DDX10: variants seen among roughly 807,000 people sequenced by gnomAD.
DDX10 encodes the protein probable ATP-dependent RNA helicase DDX10.
A neutral mutation model predicts 104.3 loss-of-function variants in DDX10; 74 were observed. That is an observed-to-expected ratio of 0.71 (90% CI 0.59 to 0.86). The LOEUF (loss-of-function observed/expected upper bound fraction) is 0.86. Ranked by LOEUF, DDX10 falls within the 40% of genes least tolerant of loss-of-function variation. DDX10 has a pLI of 0.00. For missense variants in DDX10, 952 were observed against 1,040.0 expected (o/e 0.92, Z 1.16); for synonymous variants, 351 against 353.4 (o/e 0.99, Z 0.08).
chr11:108,919,279 A>G lies in DDX10; in HGVS notation c.2450+1261A>G, dbSNP rs141884578. 110 of 152,352 alleles carry G rather than the reference A, an allele frequency of 7.2e-4. 1 individual carries two copies. Among genetic ancestry groups the G allele is most frequent in the African/African-American group, 2.5e-3 (104 of 41,578 alleles). The allele number at this position is 152,352 out of a possible 1,614,324, so 9.4% of individuals were successfully genotyped here. A position where few individuals can be genotyped will look rare whatever the true frequency, so the allele number is the denominator to read the frequency against. ...TAGTGGACATCATTGTTTTACTACC[A>G]CAAGAGGCACCACAGATAAAAATAA... is the stretch of plus-strand genomic sequence containing the variant. On this transcript the variant is annotated intron_variant, in intron 17 of 17. Transcript: ENST00000322536.
At chr11:108,788,920 G>T (rs1326069470) in intron 13 of DDX10, among the ~76,000 whole-genome samples, 1 of 152,196 alleles carries the variant, frequency 6.6e-6, no homozygotes, top group East Asian at 1.9e-4. Flanking sequence ...GCCCTGTCCA[G>T]TCACTGGCTC....
chr11:108,702,261 GACAAA>G lies in DDX10; in HGVS notation c.1224-4473_1224-4469del, dbSNP rs569731809. Among the ~76,000 whole-genome samples the G allele has an allele frequency of 2.0e-5, 3 of 152,162 alleles. No homozygotes were observed. The South Asian group carries it at 6.2e-4, about 32-fold the overall frequency. ...AACTGTACAGATTCTAGACAATAAT[GACAAA>G]ACAATTAAAATCACCTAAAATCCAC... On this transcript the variant is annotated intron_variant, in intron 9 of 17. Coordinates refer to ENST00000322536, the MANE Select transcript of DDX10 (RefSeq NM_004398.4).
At chr11:108,693,172 A>T (rs538051805) in intron 8 of DDX10, among the ~76,000 whole-genome samples, 14 of 152,266 alleles carry the variant, frequency 9.2e-5, no homozygotes, top group South Asian at 2.1e-4. Flanking sequence ...GCTGAGAATG[A>T]TGGTTTCCAG....
At chr11:108,837,843 G>A (rs1315733186) in intron 13 of DDX10, among the ~76,000 whole-genome samples, 8 of 151,660 alleles carry the variant, frequency 5.3e-5, no homozygotes, top group African/African-American at 1.9e-4. Context: ...GGCTGGTCTC[G>A]AACTCATGAC....
chr11:108,907,720 C>G (rs972324773), intron 16 of DDX10, among the ~76,000 whole-genome samples: 1 of 152,108 alleles, frequency 6.6e-6, no homozygotes, highest in African/African-American at 2.4e-5. Flanking sequence ...TGTAGGGGAT[C>G]AAAGTTGGGG....
chr11:108,852,140 T>C lies in DDX10; in HGVS notation c.2248-13T>C. On this transcript the variant is annotated splice_polypyrimidine_tract_variant and intron_variant, in intron 15 of 17. Transcript: ENST00000322536. ...TATATGCTGCTAATTTTTCTCCTCT[T>C]CCTTGTCTCCAGGAGAAAAGACTGA... is the stretch of plus-strand genomic sequence containing the variant. The C allele has an allele frequency of 6.2e-7, 1 of 1,604,642 alleles. No individual in the cohort carries two copies. Among genetic ancestry groups the C allele is most frequent in the Non-Finnish European group, 8.5e-7 (1 of 1,174,544 alleles).
chr11:108,925,057 A>T (rs1413967268), intron 17 of DDX10, among the ~76,000 whole-genome samples: 1 of 152,182 alleles, frequency 6.6e-6, no homozygotes, highest in Non-Finnish European at 1.5e-5. Context: ...ATGCCAAGCA[A>T]CTTTCAAGAG....
chr11:108,704,508 A>G (rs558536308), intron 9 of DDX10, among the ~76,000 whole-genome samples: 1 of 152,154 alleles, frequency 6.6e-6, no homozygotes, highest in South Asian at 2.1e-4. Flanking sequence ...TGGACCTGCA[A>G]TCTTTCCTTG....
intron 16 of DDX10, among the ~76,000 whole-genome samples, chr11:108,880,016 C>G (rs1326437868): frequency 2.6e-5 from 4 of 152,188 alleles, no homozygotes; most frequent in African/African-American, 9.6e-5. Flanking sequence ...GAATAACACT[C>G]CATTTGACAA....
At chr11:108,709,385 T>G (rs1440569955) in intron 10 of DDX10, among the ~76,000 whole-genome samples, 3 of 152,272 alleles carry the variant, frequency 2.0e-5, no homozygotes, top group African/African-American at 7.2e-5. Context: ...CTTAAATGTT[T>G]GGTAGAATTT....
intron 13 of DDX10, among the ~76,000 whole-genome samples, chr11:108,724,142 T>A (rs2094302315): frequency 6.6e-6 from 1 of 152,062 alleles, no homozygotes; most frequent in African/African-American, 2.4e-5. Flanking sequence ...ATCATCTTTT[T>A]AAAAGGGAAT....
At chr11:108,778,354 C>T (rs1489985601) in intron 13 of DDX10, among the ~76,000 whole-genome samples, 1 of 152,236 alleles carries the variant, frequency 6.6e-6, no homozygotes, top group South Asian at 2.1e-4. Flanking sequence ...AGATATAGAC[C>T]AATGGAACAG....
intron 16 of DDX10, among the ~76,000 whole-genome samples, chr11:108,904,829 G>A (rs1003072844): frequency 1.1e-4 from 16 of 152,082 alleles, no homozygotes; most frequent in Middle Eastern, 3.4e-3. Flanking sequence ...GCTATTTTAT[G>A]AATTATTGAA....
At chr11:108,706,381 G>T (rs527934703) in intron 9 of DDX10, among the ~76,000 whole-genome samples, 21 of 152,166 alleles carry the variant, frequency 1.4e-4, no homozygotes, top group South Asian at 1.0e-3. Context: ...GTATATATTG[G>T]GTGCTGTATT....
chr11:108,726,469 T>C (rs1038213827), intron 13 of DDX10, among the ~76,000 whole-genome samples: 5 of 152,130 alleles, frequency 3.3e-5, no homozygotes, highest in Non-Finnish European at 7.4e-5. Flanking sequence ...CTATCATAAA[T>C]GGTATTTTTA....
intron 13 of DDX10, among the ~76,000 whole-genome samples, chr11:108,811,624 G>T (rs892197514): frequency 2.6e-5 from 4 of 151,982 alleles, no homozygotes; most frequent in Non-Finnish European, 4.4e-5. Flanking sequence ...CAGAAAACTT[G>T]TTGAACATAA....
At chr11:108,782,155 G>C (rs879842214) in intron 13 of DDX10, among the ~76,000 whole-genome samples, 2 of 152,202 alleles carry the variant, frequency 1.3e-5, no homozygotes, top group Non-Finnish European at 2.9e-5. Flanking sequence ...ATGTCAGACT[G>C]TATATGGTAT....
At chr11:108,757,403 C>G (rs2094345760) in intron 13 of DDX10, among the ~76,000 whole-genome samples, 1 of 151,876 alleles carries the variant, frequency 6.6e-6, no homozygotes, top group African/African-American at 2.4e-5. Flanking sequence ...GTTTTGGAGA[C>G]TATTTATGGG....
chr11:108,836,119 T>TA (rs1862552139), intron 13 of DDX10, among the ~76,000 whole-genome samples: 1 of 152,208 alleles, frequency 6.6e-6, no homozygotes, highest in African/African-American at 2.4e-5. Flanking sequence ...CAGCCTCAAT[T>TA]ATAGCATATT....
Sources: gnomAD v4.1 joint callset for allele counts (sites outside exome capture counted in the v4.1 genomes callset) on GRCh38, gnomAD v4.1.1 for gene constraint, MANE v1.5 for transcripts, NCBI Gene and HGNC (gene_info 2026-07-23, HGNC 2026-07-21) for gene names.